The following AFTPH variants were observed in gnomAD, a reference collection of about 807,000 sequenced individuals.
AFTPH encodes aftiphilin protein.
In AFTPH, 7 loss-of-function variants were observed where a neutral mutation model predicts 72.5. The ratio of observed to expected loss-of-function variants is 0.10; its 90% CI spans 0.05 to 0.18. The LOEUF is 0.18. Ranked by LOEUF, AFTPH falls within the 10% of genes least tolerant of loss-of-function variation. AFTPH has a pLI of 1.00. For synonymous variants in AFTPH, 337 were observed against 370.1 expected (o/e 0.91, Z 1.03); for missense variants, 979 against 1,060.5 (o/e 0.92, Z 1.07).
chr2:64,530,263 T>A (rs558632887), intron 1 of AFTPH, among the ~76,000 whole-genome samples: 1 of 152,294 alleles, frequency 6.6e-6, no homozygotes, highest in East Asian at 1.9e-4. Context: ...AATGAAGACT[T>A]GTTGTAGTGT....
chr2:64,530,076 A>G (rs1022919562), intron 1 of AFTPH, among the ~76,000 whole-genome samples: 1 of 152,226 alleles, frequency 6.6e-6, no homozygotes, highest in South Asian at 2.1e-4. Context: ...GAATCACTTG[A>G]ACCTGAGAGG....
At chr2:64,554,197 C>G (rs1671223958) in intron 2 of AFTPH, among the ~76,000 whole-genome samples, 1 of 152,158 alleles carries the variant, frequency 6.6e-6, no homozygotes, top group African/African-American at 2.4e-5. Context: ...TATACATTAT[C>G]CTTTTTTGAT....
At chr2:64,532,925 G>C (rs185327694) in intron 1 of AFTPH, among the ~76,000 whole-genome samples, 37 of 152,232 alleles carry the variant, frequency 2.4e-4, no homozygotes, top group Non-Finnish European at 4.1e-4. Flanking sequence ...CAAGGAGTAA[G>C]ATCAAATAAG....
intron 1 of AFTPH, among the ~76,000 whole-genome samples, chr2:64,548,586 G>T (rs533455069): frequency 6.6e-6 from 1 of 152,010 alleles, no homozygotes; most frequent in African/African-American, 2.4e-5. Context: ...CTTCTGGAAG[G>T]CTTGTAACAA....
At chr2:64,539,083 T>C (rs1164048407) in intron 1 of AFTPH, among the ~76,000 whole-genome samples, 9 of 152,232 alleles carry the variant, frequency 5.9e-5, no homozygotes, top group Admixed American at 5.9e-4. Flanking sequence ...TAACTTAGTC[T>C]TGACCAAAAT....
chr2:64,567,350 C>T (rs192536277), intron 2 of AFTPH, among the ~76,000 whole-genome samples: 2 of 152,072 alleles, frequency 1.3e-5, no homozygotes. Context: ...CTTTTAATTG[C>T]CAGCTACGTA....
chr2:64,579,551 G>A lies in AFTPH; in HGVS notation c.2455+5G>A, dbSNP rs753241927. 2 of 1,612,624 alleles carry A rather than the reference G, an allele frequency of 1.2e-6. No homozygotes were observed. The highest frequency in any genetic ancestry group is 1.7e-6 in the Non-Finnish European group (2 of 1,178,848). The stretch of plus-strand genomic sequence containing the variant: ...GCCTTACTAACCCTTTAGATGGTAC[G>A]TCTCTCCGTAGAGCCTCTAGCACCA... On this transcript the variant is annotated splice_donor_5th_base_variant and intron_variant, in intron 7 of 8. Coordinates refer to ENST00000238856, the Ensembl canonical transcript of AFTPH.
At chr2:64,537,259 C>A (rs1022305930) in intron 1 of AFTPH, among the ~76,000 whole-genome samples, 1 of 151,968 alleles carries the variant, frequency 6.6e-6, no homozygotes, top group Non-Finnish European at 1.5e-5. Context: ...ACAACAGACA[C>A]CAGAGCCTAC....
chr2:64,551,366 T>A (rs1671036985), intron 1 of AFTPH, 77 bp from the exon 2 acceptor site: 9 of 1,162,034 alleles, frequency 7.7e-6, no homozygotes, highest in Admixed American at 2.7e-5. Flanking sequence ...TGTTTTAAAG[T>A]AGCTTTGAGA....
chr2:64,538,219 C>A (rs1669994022), intron 1 of AFTPH, among the ~76,000 whole-genome samples: 1 of 152,066 alleles, frequency 6.6e-6, no homozygotes, highest in African/African-American at 2.4e-5. Flanking sequence ...GGCCAATTCT[C>A]AAGTTGTTTC....
At chr2:64,553,434 G>T (rs776570852) in intron 2 of AFTPH, 25 bp downstream of exon 2, 2 of 1,529,158 alleles carry the variant, frequency 1.3e-6, no homozygotes, top group Admixed American at 2.3e-5. Flanking sequence ...TCTCTATTTT[G>T]TATGATGTAT....
chr2:64,550,927 T>TA, intron 1 of AFTPH, among the ~76,000 whole-genome samples: 1 of 152,300 alleles, frequency 6.6e-6, no homozygotes, highest in South Asian at 2.1e-4. Flanking sequence ...ATTAAGTATT[T>TA]AAAAATTAAC....
At chr2:64,541,523 T>C (rs1263740971) in intron 1 of AFTPH, among the ~76,000 whole-genome samples, 4 of 152,302 alleles carry the variant, frequency 2.6e-5, no homozygotes, top group South Asian at 2.1e-4. Flanking sequence ...TCTAAATATA[T>C]TGAAAACCAA....
At chr2:64,524,546 C>T (rs2103772685) in exon 1 of AFTPH, 1 of 399,204 alleles carries the variant, frequency 2.5e-6, no homozygotes, top group African/African-American at 2.1e-5. Context: ...GACGGTCCTT[C>T]CCCGGGGAGT....
exon 2 of AFTPH, chr2:64,551,950 T>C (rs998421186): frequency 6.2e-7 from 1 of 1,613,620 alleles, no homozygotes; most frequent in Non-Finnish European, 8.5e-7. Context: ...AGAACTAATA[T>C]GAATGTTGTT....
At chr2:64,587,955 CTT>C (rs2104254755) in intron 8 of AFTPH, among the ~76,000 whole-genome samples, 1 of 152,210 alleles carries the variant, frequency 6.6e-6, no homozygotes, top group South Asian at 2.1e-4. Flanking sequence ...TTTTTTAGGC[CTT>C]TTTATTGAGA....
intron 1 of AFTPH, among the ~76,000 whole-genome samples, chr2:64,528,364 C>G (rs1221326489): frequency 6.6e-6 from 1 of 152,044 alleles, no homozygotes; most frequent in East Asian, 1.9e-4. Context: ...CTGAAATGAG[C>G]AAACAAGAAA....
chr2:64,534,167 A>G lies in AFTPH; in HGVS notation c.-33+9555A>G, dbSNP rs533530474. On this transcript the variant is annotated intron_variant, in intron 1 of 8. Coordinates refer to ENST00000238856, the Ensembl canonical transcript of AFTPH. ...ATCTCTCATCTTGTTTATTATGTGG[A>G]TGCAAAAATGTTGACCTGGAGTATT... Among the ~76,000 whole-genome samples the G allele has an allele frequency of 3.3e-5, 5 of 152,250 alleles. No homozygotes were observed. In the East Asian group the frequency reaches 7.7e-4, roughly 23 times the overall value.
chr2:64,562,928 A>G (rs1014374657), intron 2 of AFTPH, among the ~76,000 whole-genome samples: 1 of 152,224 alleles, frequency 6.6e-6, no homozygotes, highest in African/African-American at 2.4e-5. Context: ...TCTAAATAAT[A>G]AAGTATCTAT....
Sources: allele counts gnomAD v4.1 joint callset (sites outside exome capture counted in the v4.1 genomes callset), GRCh38; gene constraint gnomAD v4.1.1; transcripts MANE v1.5; gene names NCBI Gene and HGNC (gene_info 2026-07-23, HGNC 2026-07-21).